HSF4: variants seen among roughly 807,000 people sequenced by gnomAD.
HSF4 encodes the protein heat shock transcription factor 4, also known as heat shock factor protein 4.
A neutral mutation model predicts 52.0 loss-of-function variants in HSF4; 41 were observed. The observed-to-expected ratio is 0.79, with a 90% confidence interval of 0.61 to 1.02. HSF4 has a LOEUF of 1.02. Ranked by LOEUF, HSF4 falls within the 50% of genes least tolerant of loss-of-function variation. The pLI, the probability that HSF4 is intolerant of heterozygous loss-of-function variation, is 0.00. For synonymous variants in HSF4, 285 were observed against 273.0 expected, an observed-to-expected ratio of 1.04 and a Z score of -0.43; for missense variants, 610 against 651.1, an observed-to-expected ratio of 0.94 and a Z score of 0.69.
chr16:67,167,938 T>A lies in HSF4; in HGVS notation c.1073T>A (p.Ile358Lys), dbSNP rs768426551. The A allele has an allele frequency of 6.3e-7, 1 of 1,592,646 alleles. No individual in the cohort carries two copies. The highest frequency in any genetic ancestry group is 1.3e-5 in the African/African-American group (1 of 74,784). Residue 358 changes from isoleucine (I) to lysine (K), a missense_variant, in exon 9 of 13, where the codon ATA (isoleucine) becomes AAA (lysine). Coordinates refer to ENST00000521374, the MANE Select transcript of HSF4 (RefSeq NM_001374675.1). ...CCTGAACCAGGGGATCCCAGGGAGA[T>A]ACCTGACAGGTGAGCAGAGCCCCAG... ...QQPEPGDPRE[I>K]PDRGPLGLES...
In HSF4 at chr16:67,169,525, G is replaced by A. The variant is rs2031593768; in HGVS notation, c.1325-106G>A. On this transcript the variant is annotated intron_variant, in intron 12 of 12. Coordinates refer to ENST00000521374, the MANE Select transcript of HSF4 (RefSeq NM_001374675.1). This position sits in a 1 kb window ranked among gnomAD's most constrained non-coding sequence, Gnocchi z 4.3. ...GGGCGAGAGTGGGGAGGTTAAGAAT[G>A]GATGTTTTATCCTAACTGAGCAGAA... The A allele has an allele frequency of 1.3e-6, 2 of 1,595,832 alleles. No individual in the cohort carries two copies. Among genetic ancestry groups the A allele is most frequent in the African/African-American group, 2.7e-5 (2 of 74,876 alleles).
Position 67,169,191 on chromosome 16 carries a change from C to T in HSF4, c.1255-88C>T, listed in dbSNP as rs191086925. 459 of 1,606,448 alleles carry T rather than the reference C, an allele frequency of 2.9e-4. 1 individual carries two copies. The Middle Eastern group carries it at 8.5e-3, about 30-fold the overall frequency. On this transcript the variant is annotated intron_variant, in intron 11 of 12. Coordinates refer to ENST00000521374, the MANE Select transcript of HSF4 (RefSeq NM_001374675.1). The surrounding 1 kb of genome is among the most constrained non-coding windows in gnomAD (Gnocchi z 4.3). ...TGTTCTCTGTGAGCCAAAGCCGTGT[C>T]TCTAGAAGAATTGTCACAGTGATTT...
chr16:67,164,093 G>A (rs1244531214), upstream of HSF4: 2 of 685,218 alleles, frequency 2.9e-6, no homozygotes, highest in Admixed American at 4.1e-5. Context: ...CTGCAGCTCC[G>A]CGGCCCCGGC....
At chr16:67,164,692 G>A (rs959140438), upstream of HSF4, 2 of 1,256,058 alleles carry the variant, frequency 1.6e-6, no homozygotes, top group East Asian at 3.1e-5. Context: ...CGTGGCCCCC[G>A]CCTGACCCGG....
Position 67,165,869 on chromosome 16 carries a change from A to T in HSF4, c.360+23A>T. The T allele has an allele frequency of 1.3e-6, 2 of 1,598,580 alleles. No individual in the cohort carries two copies. The highest frequency in any genetic ancestry group is 1.7e-6 in the Non-Finnish European group (2 of 1,178,604). On this transcript the variant is annotated intron_variant, in intron 3 of 12. Coordinates refer to ENST00000521374, the MANE Select transcript of HSF4 (RefSeq NM_001374675.1). The surrounding 1 kb of genome is among the most constrained non-coding windows in gnomAD (Gnocchi z 6.9). Reference sequence around the variant, plus strand: ...AAGGTGGGGGCGGCCTGCGGGAATGAGCAAAGAGGAGGAGGGGTGCTGGGA... The same window carrying T: ...AAGGTGGGGGCGGCCTGCGGGAATGTGCAAAGAGGAGGAGGGGTGCTGGGA...
intron 9 of HSF4, 119 bp from the exon 10 acceptor site, chr16:67,168,712 G>A: frequency 1.3e-6 from 1 of 785,356 alleles, no homozygotes; most frequent in South Asian, 1.5e-5. Flanking sequence ...GAGAGAGGAT[G>A]GGGATCCTCT....
At chr16:67,167,055 G>T in intron 6 of HSF4, 65 bp from the exon 7 acceptor site, 1 of 1,611,128 alleles carries the variant, frequency 6.2e-7, no homozygotes. Flanking sequence ...GGAGGGAAGT[G>T]CAGGCCGAGG....
At chr16:67,166,193 T>A in intron 4 of HSF4, 123 bp downstream of exon 4, 1 of 1,372,338 alleles carries the variant, frequency 7.3e-7, no homozygotes, top group Non-Finnish European at 1.0e-6. Flanking sequence ...CCATCTAGAC[T>A]TATGGGCGAT....
rs2031174097 is a variant in HSF4, at chr16:67,165,344, G to T, written c.124-178G>T. ...TAGGGACTCACTGTGGTCGCTCCAG[G>T]CTAGGCCTCGGAGCCCGTTCTGGCC... On this transcript the variant is annotated intron_variant, in intron 1 of 12. Transcript: ENST00000521374. The surrounding 1 kb of genome is among the most constrained non-coding windows in gnomAD (Gnocchi z 6.9). 9.3e-6 allele frequency: 6 copies of T among 647,040 alleles called. No homozygotes were observed. Among genetic ancestry groups the T allele is most frequent in the South Asian group, 8.8e-5 (5 of 56,510 alleles). 40.1% of individuals were successfully genotyped at this position (647,040 alleles called of 1,614,324 possible). A position where few individuals can be genotyped will look rare whatever the true frequency, so the allele number is the denominator to read the frequency against.
In HSF4 at chr16:67,164,917, C is replaced by T. The variant is rs1232635045; in HGVS notation, c.106C>T (p.Leu36=). ...ALVGDPGTDH[L]IRWSPSGTSF... is the part of the protein sequence containing the mutation. ...GGTGGGGGACCCAGGCACAGACCACCTGATCCGCTGGAGCCCGGTGAGGGC... is the reference window on the plus strand; with the variant it reads ...GGTGGGGGACCCAGGCACAGACCACTTGATCCGCTGGAGCCCGGTGAGGGC... Residue 36 remains leucine (L), a synonymous_variant, in exon 1 of 13, where the codon CTG becomes TTG. Transcript: ENST00000521374. 2.5e-6 allele frequency: 4 copies of T among 1,607,436 alleles called. No homozygotes were observed. The highest frequency in any genetic ancestry group is 2.7e-5 in the African/African-American group (2 of 75,010).
intron 9 of HSF4, among the ~76,000 whole-genome samples, chr16:67,168,362 T>C (rs940263954): frequency 2.6e-5 from 4 of 152,010 alleles, no homozygotes; most frequent in African/African-American, 9.7e-5. Flanking sequence ...TAGTCCCAGC[T>C]ACTCAGGAGG....
Position 67,167,876 on chromosome 16 carries a change from G to T in HSF4, c.1011G>T (p.Gly337=). ...AVVQAILEGK[G]SFSPEGPRNA... ...TGCAGGCCATCCTGGAAGGGAAAGG[G>T]AGCTTCAGCCCCGAGGGGCCCAGGA... is the stretch of plus-strand genomic sequence containing the variant. Residue 337 remains glycine, a synonymous_variant, in exon 9 of 13, where the codon GGG becomes GGT. Transcript: ENST00000521374. The T allele has an allele frequency of 6.2e-7, 1 of 1,606,722 alleles. No individual in the cohort carries two copies. Among genetic ancestry groups the T allele is most frequent in the Non-Finnish European group, 8.5e-7 (1 of 1,177,636 alleles).
chr16:67,167,326 T>TC (rs769590375), intron 7 of HSF4, 104 bp downstream of exon 7: 417 of 1,608,894 alleles, frequency 2.6e-4, no homozygotes, highest in Non-Finnish European at 3.4e-4. Flanking sequence ...AAGCCAGCCT[T>TC]CCCCCCAACC....
chr16:67,166,370 G>T lies in HSF4; in HGVS notation c.536G>T (p.Gly179Val). ...GTGGTGACACTTCGGCAGAGCCACG[G>T]TCAGCAGCACCGGGTCATTGGCAAG... Reference protein sequence around the residue: ...REVVTLRQSHGQQHRVIGKLI... With the variant: ...REVVTLRQSHVQQHRVIGKLI... Residue 179 changes from glycine to valine, a missense_variant, in exon 5 of 13, where the codon GGT becomes GTT. Physicochemically the swap from Gly to Val is moderately radical, Grantham distance 109. Transcript: ENST00000521374. The T allele has an allele frequency of 6.2e-7, 1 of 1,609,938 alleles. No individual in the cohort carries two copies. The highest frequency in any genetic ancestry group is 8.5e-7 in the Non-Finnish European group (1 of 1,178,230).
At chr16:67,166,961 G>A (rs1405070884) in intron 6 of HSF4, among the ~76,000 whole-genome samples, 159 bp from the exon 7 acceptor site, 1 of 152,126 alleles carries the variant, frequency 6.6e-6, no homozygotes, top group African/African-American at 2.4e-5. Context: ...TCTCTAGGGG[G>A]AGCCCCTTCC....
upstream of HSF4, chr16:67,164,055 C>A (rs542997883): frequency 4.2e-4 from 301 of 710,364 alleles, 2 homozygotes; most frequent in South Asian, 4.2e-3. Context: ...CACTGCCCCC[C>A]TCTCTTGCCT....
At position 67,165,407 on chromosome 16, in the gene HSF4, A is replaced by G. The variant is rs1418417026; in HGVS notation, c.124-115A>G. Reference sequence around the variant, plus strand: ...ATATCCCCGTAAGCGGCAGGCCTGGACCCAAGAGTGAGCATGAGTGTGTGC... The same window carrying G: ...ATATCCCCGTAAGCGGCAGGCCTGGGCCCAAGAGTGAGCATGAGTGTGTGC... On this transcript the variant is annotated intron_variant, in intron 1 of 12. Transcript: ENST00000521374. The surrounding 1 kb of genome is among the most constrained non-coding windows in gnomAD (Gnocchi z 6.9). 19 of 974,750 alleles carry G rather than the reference A, an allele frequency of 1.9e-5. No homozygotes were observed. The East Asian group carries it at 4.4e-4, about 22-fold the overall frequency. 60.4% of individuals were successfully genotyped at this position (974,750 alleles called of 1,614,324 possible).
At position 67,165,679 on chromosome 16, in the gene HSF4, G is replaced by T; in HGVS notation, c.233-40G>T. 1 of 1,612,154 alleles carries T rather than the reference G, an allele frequency of 6.2e-7. No homozygotes were observed. The highest frequency in any genetic ancestry group is 8.5e-7 in the Non-Finnish European group (1 of 1,179,814). ...GAGCGGGGATGGGGGACTCGGTGCCGGGGATGGGGCGACCCACGCCCCCAC... is the reference window on the plus strand; with the variant it reads ...GAGCGGGGATGGGGGACTCGGTGCCTGGGATGGGGCGACCCACGCCCCCAC... On this transcript the variant is annotated intron_variant, in intron 2 of 12. Coordinates refer to ENST00000521374, the MANE Select transcript of HSF4 (RefSeq NM_001374675.1). The surrounding 1 kb of genome is among the most constrained non-coding windows in gnomAD (Gnocchi z 6.9).
In HSF4 at chr16:67,166,583, T is replaced by G; in HGVS notation, c.587T>G (p.Leu196Arg). 6.2e-7 allele frequency: 1 copy of G among 1,613,936 alleles called. No individual in the cohort carries two copies. ...CTGATCCAGTGTCTCTTTGGGCCAC[T>G]TCAGGCGGGGCCGAGCAATGCAGGA... ...GKLIQCLFGP[L>R]QAGPSNAGGK... Residue 196 changes from leucine (L) to arginine (R), a missense_variant, in exon 6 of 13, where the codon CTT becomes CGT. Transcript: ENST00000521374.
Sources: allele counts gnomAD v4.1 joint callset (sites outside exome capture counted in the v4.1 genomes callset), GRCh38; gene constraint gnomAD v4.1.1; non-coding constraint Gnocchi (gnomAD v3.1); transcripts MANE v1.5; gene names NCBI Gene and HGNC (gene_info 2026-07-23, HGNC 2026-07-21).